Variants in CFAP299 observed in about 807,000 individuals in gnomAD.
The protein encoded by CFAP299 is cilia and flagella associated protein 299, also known as cilia- and flagella-associated protein 299.
A neutral mutation model predicts 27.0 loss-of-function variants in CFAP299; 21 were observed. The observed-to-expected ratio is 0.78, with a 90% CI of 0.55 to 1.12. The LOEUF is 1.12. CFAP299 is among the 50% of genes most tolerant of loss of function. The pLI, the probability that CFAP299 is intolerant of heterozygous loss-of-function variation, is 0.00. For missense variants in CFAP299, 310 were observed against 276.6 expected (o/e 1.12, Z -0.86); for synonymous variants, 104 against 98.1 (o/e 1.06, Z -0.36).
intron 3 of CFAP299, among the ~76,000 whole-genome samples, chr4:80,713,160 A>G (rs925180513): frequency 1.3e-5 from 2 of 152,132 alleles, no homozygotes; most frequent in East Asian, 3.9e-4. Flanking sequence ...TATGTAGGTG[A>G]GAGATAGCAC....
At chr4:80,914,354 T>C (rs1735637954) in intron 4 of CFAP299, among the ~76,000 whole-genome samples, 1 of 152,158 alleles carries the variant, frequency 6.6e-6, no homozygotes, top group African/African-American at 2.4e-5. Context: ...GTCACTTTAA[T>C]TTTAGCTATT....
At chr4:80,829,512 A>G (rs955830898) in intron 3 of CFAP299, among the ~76,000 whole-genome samples, 3 of 152,104 alleles carry the variant, frequency 2.0e-5, no homozygotes, top group Admixed American at 1.3e-4. Flanking sequence ...AGAAACCAGT[A>G]TGGCATTTCC....
intron 2 of CFAP299, among the ~76,000 whole-genome samples, chr4:80,522,184 A>G (rs1346754633): frequency 1.3e-5 from 2 of 151,958 alleles, no homozygotes; most frequent in African/African-American, 4.8e-5. Flanking sequence ...TATTTTAAAT[A>G]TAAGGGCCAT....
In CFAP299 at chr4:80,859,017, G is replaced by C. The variant is rs936918142; in HGVS notation, c.334-10976G>C. Among the ~76,000 whole-genome samples, 53 of 152,310 alleles carry C rather than the reference G, an allele frequency of 3.5e-4. 1 individual carries two copies. Among genetic ancestry groups the C allele is most frequent in the African/African-American group, 1.2e-3 (51 of 41,556 alleles). On this transcript the variant is annotated intron_variant, in intron 3 of 5. Transcript: ENST00000358105. ...CTAATGTTGACAGTGGGGTGTCAAAGTCTTCAATTATTAATGTGTGGGAGT... is the reference window on the plus strand; with the variant it reads ...CTAATGTTGACAGTGGGGTGTCAAACTCTTCAATTATTAATGTGTGGGAGT...
At chr4:80,493,049 A>T (rs569637317) in intron 2 of CFAP299, among the ~76,000 whole-genome samples, 5 of 152,302 alleles carry the variant, frequency 3.3e-5, no homozygotes, top group Admixed American at 6.5e-5. Flanking sequence ...CTGTAGAGTC[A>T]ACAAGACTCC....
intron 2 of CFAP299, among the ~76,000 whole-genome samples, chr4:80,565,618 A>G (rs1260928019): frequency 6.6e-6 from 1 of 152,090 alleles, no homozygotes; most frequent in Middle Eastern, 3.2e-3. Flanking sequence ...ATTGAAAAAT[A>G]AATGAACCTA....
chr4:80,456,983 C>CTTTT (rs34551414), intron 2 of CFAP299, among the ~76,000 whole-genome samples: 31 of 142,856 alleles, frequency 2.2e-4, no homozygotes, highest in African/African-American at 5.4e-4. Flanking sequence ...ATTCCAAATG[C>CTTTT]TTTTTTTTTT....
intron 3 of CFAP299, among the ~76,000 whole-genome samples, chr4:80,831,027 G>A (rs1730271561): frequency 6.6e-6 from 1 of 152,032 alleles, no homozygotes; most frequent in Non-Finnish European, 1.5e-5. Flanking sequence ...AACGGAAAAT[G>A]GCAGAAGTAA....
intron 2 of CFAP299, among the ~76,000 whole-genome samples, chr4:80,388,931 G>C (rs116826952): frequency 6.6e-6 from 1 of 151,916 alleles, no homozygotes; most frequent in Non-Finnish European, 1.5e-5. Flanking sequence ...TCCTTGTGTC[G>C]TTTTTTATTT....
intron 1 of CFAP299, among the ~76,000 whole-genome samples, chr4:80,351,575 A>G (rs1233127895): frequency 2.0e-5 from 3 of 152,038 alleles, no homozygotes; most frequent in South Asian, 2.1e-4. Context: ...TGGGACTAAT[A>G]AGAAAGAAAT....
intron 3 of CFAP299, among the ~76,000 whole-genome samples, chr4:80,607,768 G>C (rs543489655): frequency 6.6e-6 from 1 of 152,268 alleles, no homozygotes; most frequent in South Asian, 2.1e-4. Flanking sequence ...GGATTGTTTC[G>C]AGGGCTTGTA....
chr4:80,325,978 G>T, the CFAP299 span, among the ~76,000 whole-genome samples: 1 of 152,180 alleles, frequency 6.6e-6, no homozygotes, highest in Non-Finnish European at 1.5e-5. Flanking sequence ...ATTTATCCAA[G>T]CCAGATATAT....
rs571745838 is a variant in CFAP299, at chr4:80,419,504, C to T, written c.242+56620C>T. Reference sequence around the variant, plus strand: ...CTCCTAATGCACATGCTTGAGTCCACTTGCCTAACTCCTGAGATCTTATCA... The same window carrying T: ...CTCCTAATGCACATGCTTGAGTCCATTTGCCTAACTCCTGAGATCTTATCA... On this transcript the variant is annotated intron_variant, in intron 2 of 5. Transcript: ENST00000358105. Among the ~76,000 whole-genome samples, 34 of 152,322 alleles carry T rather than the reference C, an allele frequency of 2.2e-4. No homozygotes were observed. The South Asian group carries it at 6.8e-3, about 31-fold the overall frequency.
At chr4:80,551,804 G>C (rs1287544364) in intron 2 of CFAP299, among the ~76,000 whole-genome samples, 1 of 151,572 alleles carries the variant, frequency 6.6e-6, no homozygotes, top group Non-Finnish European at 1.5e-5. Context: ...CTGGAATGCA[G>C]TGGTGCAATC....
At chr4:80,916,906 A>G (rs1303396288) in intron 4 of CFAP299, among the ~76,000 whole-genome samples, 1 of 152,142 alleles carries the variant, frequency 6.6e-6, no homozygotes, top group Non-Finnish European at 1.5e-5. Flanking sequence ...AAGAAAATCT[A>G]GAAATAGGGA....
chr4:80,407,982 T>C (rs1246431594), intron 2 of CFAP299, among the ~76,000 whole-genome samples: 3 of 152,198 alleles, frequency 2.0e-5, no homozygotes, highest in Admixed American at 6.5e-5. Flanking sequence ...GCTGCTATTG[T>C]TTATTTGTTT....
intron 3 of CFAP299, among the ~76,000 whole-genome samples, chr4:80,665,142 T>G (rs1329140239): frequency 6.6e-6 from 1 of 152,216 alleles, no homozygotes; most frequent in African/African-American, 2.4e-5. Context: ...TTTGTCTTGC[T>G]GGGAACTGCA....
chr4:80,590,104 G>A (rs1402052284), intron 3 of CFAP299, among the ~76,000 whole-genome samples: 2 of 151,942 alleles, frequency 1.3e-5, no homozygotes, highest in Non-Finnish European at 2.9e-5. Flanking sequence ...AGGAATTAAT[G>A]CAAAAAATAT....
chr4:80,349,130 T>G, intron 1 of CFAP299, among the ~76,000 whole-genome samples: 1 of 152,218 alleles, frequency 6.6e-6, no homozygotes, highest in East Asian at 1.9e-4. Context: ...AGGGGCATTC[T>G]GCAGGAGAAG....
Sources: gnomAD v4.1 joint callset for allele counts (sites outside exome capture counted in the v4.1 genomes callset) on GRCh38, gnomAD v4.1.1 for gene constraint, MANE v1.5 for transcripts, NCBI Gene and HGNC (gene_info 2026-07-23, HGNC 2026-07-21) for gene names.